PTPRZ1: variants seen among roughly 807,000 people sequenced by gnomAD.
The protein encoded by PTPRZ1 is protein tyrosine phosphatase receptor type Z1.
PTPRZ1 carries 82 observed loss-of-function variants against 214.1 expected under a neutral mutation model. The ratio of observed to expected loss-of-function variants is 0.38; its 90% CI spans 0.32 to 0.46. The LOEUF (loss-of-function observed/expected upper bound fraction) is 0.46. Among genes scored for constraint, PTPRZ1 ranks in the 20% least tolerant of loss-of-function variants. PTPRZ1 has a pLI of 1.00. For missense variants in PTPRZ1, 2,603 were observed against 2,748.7 expected (o/e 0.95, Z 1.19); for synonymous variants, 945 against 987.9 (o/e 0.96, Z 0.81).
At chr7:122,055,176 C>G in intron 27 of PTPRZ1, 89 bp downstream of exon 27, 2 of 1,115,234 alleles carry the variant, frequency 1.8e-6, no homozygotes, top group East Asian at 5.6e-5. Context: ...AAATGAAAAG[C>G]ATGATTCTGA....
intron 23 of PTPRZ1, 134 bp from the exon 24 acceptor site, chr7:122,051,294 A>G (rs1792174143): frequency 3.9e-6 from 2 of 508,490 alleles, no homozygotes; most frequent in Admixed American, 3.9e-5. Flanking sequence ...TTGTTGGAAA[A>G]CATTTCATAT....
In PTPRZ1 at chr7:122,011,004, G is replaced by C. The variant is rs147897547; in HGVS notation, c.1958G>C (p.Trp653Ser). The C allele has an allele frequency of 1.4e-5, 22 of 1,614,022 alleles. No individual in the cohort carries two copies. Among genetic ancestry groups the C allele is most frequent in the Non-Finnish European group, 5.9e-6 (7 of 1,180,026 alleles). Residue 653 changes from tryptophan (W) to serine (S), a missense_variant, in exon 12 of 30, where the codon TGG (tryptophan) becomes TCG (serine). By Grantham distance (177) the Trp-to-Ser change is radical. Transcript: ENST00000393386. Reference sequence around the variant, plus strand: ...GATCCTTCTATGGAGGGAAATGTGTGGTTTCCTAGCTCTACAGACATAACA... The same window carrying C: ...GATCCTTCTATGGAGGGAAATGTGTCGTTTCCTAGCTCTACAGACATAACA... ...LKDPSMEGNV[W>S]FPSSTDITAQ...
rs1300860900 is a variant in PTPRZ1, at chr7:122,038,818, T to A, written c.5431T>A (p.Phe1811Ile). 8 of 1,613,798 alleles carry A rather than the reference T, an allele frequency of 5.0e-6. No individual in the cohort carries two copies. Among genetic ancestry groups the A allele is most frequent in the Non-Finnish European group, 6.8e-6 (8 of 1,179,768 alleles). Residue 1811 changes from phenylalanine to isoleucine, a missense_variant, in exon 19 of 30, where the codon TTC (phenylalanine) becomes ATC (isoleucine). Phe to Ile is a conservative substitution (Grantham distance 21, BLOSUM62 0). Coordinates refer to ENST00000393386, the MANE Select transcript of PTPRZ1 (RefSeq NM_002851.3). Reference protein sequence around the residue: ...QGPLKSTAEDFWRMIWEHNVE... With the variant: ...QGPLKSTAEDIWRMIWEHNVE... ...CCCACTGAAATCCACAGCTGAAGAT[T>A]TCTGGAGAATGATATGGGAACATAA...
At chr7:121,989,314 A>G (rs1327661903) in intron 8 of PTPRZ1, among the ~76,000 whole-genome samples, 1 of 152,054 alleles carries the variant, frequency 6.6e-6, no homozygotes, top group Non-Finnish European at 1.5e-5. Context: ...ACGAGTCTTT[A>G]CACTCAATAA....
At chr7:121,993,588 A>C (rs1450409197) in intron 8 of PTPRZ1, among the ~76,000 whole-genome samples, 4 of 151,466 alleles carry the variant, frequency 2.6e-5, no homozygotes, top group Admixed American at 6.6e-5. Context: ...AAAAAAAAAA[A>C]AAAAAACACA....
chr7:122,036,757 A>C, intron 18 of PTPRZ1, 75 bp downstream of exon 18: 1 of 962,174 alleles, frequency 1.0e-6, no homozygotes, highest in Non-Finnish European at 1.7e-6. Flanking sequence ...CCATACATGC[A>C]TACATATACT....
At chr7:121,901,927 C>T (rs1397387090) in intron 1 of PTPRZ1, among the ~76,000 whole-genome samples, 1 of 152,156 alleles carries the variant, frequency 6.6e-6, no homozygotes, top group Non-Finnish European at 1.5e-5. Flanking sequence ...AGTCACCCTA[C>T]TGTGCAGTAG....
At chr7:121,974,816 G>A (rs1489334452) in intron 4 of PTPRZ1, among the ~76,000 whole-genome samples, 1 of 152,076 alleles carries the variant, frequency 6.6e-6, no homozygotes, top group African/African-American at 2.4e-5. Context: ...CACTCTCTAT[G>A]TAATTGTGTA....
chr7:122,014,225 A>G (rs1053318005), intron 12 of PTPRZ1, among the ~76,000 whole-genome samples: 7 of 152,152 alleles, frequency 4.6e-5, no homozygotes, highest in African/African-American at 1.7e-4. Context: ...TTTTAAAGCA[A>G]GATCAGAGTA....
chr7:121,997,465 A>G (rs992005181), intron 9 of PTPRZ1, among the ~76,000 whole-genome samples: 1 of 152,124 alleles, frequency 6.6e-6, no homozygotes, highest in Non-Finnish European at 1.5e-5. Flanking sequence ...GAAGAAGATA[A>G]TTCTATTACT....
At chr7:121,969,386 A>AC (rs1383844803) in intron 3 of PTPRZ1, among the ~76,000 whole-genome samples, 1 of 151,842 alleles carries the variant, frequency 6.6e-6, no homozygotes, top group African/African-American at 2.4e-5. Flanking sequence ...ACATGGCAAA[A>AC]CCCCACCTCT....
rs141143582 is a variant in PTPRZ1, at chr7:122,010,524, G to A, written c.1478G>A (p.Gly493Asp). The change falls in exon 12 of 30, where the codon GGT (glycine) becomes GAT (aspartate). Residue 493 changes from glycine (G) to aspartate (D), a missense_variant. Gly to Asp is a moderately conservative substitution (Grantham distance 94). Transcript: ENST00000393386. ...AGAGGAAGTGAATTCTCTGGAAAGGGTGATGTTCCCAATACATCTTTAAAT... is the reference window on the plus strand; with the variant it reads ...AGAGGAAGTGAATTCTCTGGAAAGGATGATGTTCCCAATACATCTTTAAAT... ...PTRGSEFSGK[G>D]DVPNTSLNST... 1.2e-6 allele frequency: 2 copies of A among 1,613,812 alleles called. No individual in the cohort carries two copies. Among genetic ancestry groups the A allele is most frequent in the East Asian group, 2.2e-5 (1 of 44,876 alleles).
chr7:121,884,007 A>G lies in PTPRZ1; in HGVS notation c.58+10450A>G, dbSNP rs535552145. On this transcript the variant is annotated intron_variant, in intron 1 of 29. Coordinates refer to ENST00000393386, the MANE Select transcript of PTPRZ1 (RefSeq NM_002851.3). The stretch of plus-strand genomic sequence containing the variant: ...GATACATTAAGATACATGAATTGGT[A>G]AATTAATCAATTACTAAGTTTAGGA... 1.3e-3 allele frequency among the ~76,000 whole-genome samples: 196 copies of G among 152,322 alleles called. 1 individual carries two copies. Among genetic ancestry groups the G allele is most frequent in the Non-Finnish European group, 2.5e-3 (169 of 68,026 alleles).
At chr7:121,927,708 G>A (rs559697428) in intron 1 of PTPRZ1, among the ~76,000 whole-genome samples, 7 of 152,284 alleles carry the variant, frequency 4.6e-5, no homozygotes, top group African/African-American at 9.6e-5. Flanking sequence ...TTTTGAAAGC[G>A]TGATAAACTC....
chr7:121,884,765 G>A (rs1210210948), intron 1 of PTPRZ1, among the ~76,000 whole-genome samples: 1 of 152,146 alleles, frequency 6.6e-6, no homozygotes, highest in African/African-American at 2.4e-5. Context: ...GAGCATACCA[G>A]AAAAGAGAAT....
At chr7:121,952,833 T>C (rs1478033399) in intron 2 of PTPRZ1, among the ~76,000 whole-genome samples, 1 of 152,246 alleles carries the variant, frequency 6.6e-6, no homozygotes, top group Non-Finnish European at 1.5e-5. Context: ...GATGATCAGC[T>C]TGTTTTAGCT....
intron 2 of PTPRZ1, among the ~76,000 whole-genome samples, chr7:121,954,470 C>T (rs974832764): frequency 2.0e-5 from 3 of 152,098 alleles, no homozygotes; most frequent in Non-Finnish European, 4.4e-5. Context: ...CAGTTGGATA[C>T]CTGTTTATTG....
At chr7:122,035,580 A>G (rs115825927) in intron 17 of PTPRZ1, among the ~76,000 whole-genome samples, 304 of 152,326 alleles carry the variant, frequency 2.0e-3, no homozygotes, top group African/African-American at 6.1e-3. Flanking sequence ...AGAGATAAAG[A>G]AAAACAATCC....
chr7:122,006,074 T>A (rs962301763), intron 11 of PTPRZ1, among the ~76,000 whole-genome samples: 2 of 152,128 alleles, frequency 1.3e-5, no homozygotes, highest in African/African-American at 4.8e-5. Context: ...TTGTATTTAG[T>A]ATAATATTTA....
Sources: allele counts gnomAD v4.1 joint callset (sites outside exome capture counted in the v4.1 genomes callset), GRCh38; gene constraint gnomAD v4.1.1; transcripts MANE v1.5; gene names NCBI Gene and HGNC (gene_info 2026-07-23, HGNC 2026-07-21).